HTR1D: variants seen among roughly 807,000 people sequenced by gnomAD.
HTR1D encodes the protein 5-hydroxytryptamine receptor 1D.
In HTR1D, 18 loss-of-function variants were observed where a neutral mutation model predicts 21.1. That is an observed-to-expected ratio of 0.85 (90% CI 0.59 to 1.27). The LOEUF (loss-of-function observed/expected upper bound fraction) is 1.27. Ranked by LOEUF, HTR1D falls within the 50% of genes most tolerant of loss-of-function variation. The probability of loss-of-function intolerance (pLI) is 0.00; values close to 1 mark genes in which losing one functional copy is unlikely to be tolerated. For synonymous variants in HTR1D, 196 were observed against 204.4 expected (o/e 0.96, Z 0.35); for missense variants, 456 against 481.4 (o/e 0.95, Z 0.49).
chr1:23,205,939 C>G (rs1398054985), intron 1 of HTR1D, among the ~76,000 whole-genome samples: 1 of 152,194 alleles, frequency 6.6e-6, no homozygotes, highest in African/African-American at 2.4e-5. Context: ...TGCCACTGTT[C>G]TGTTTCAGGA....
At chr1:23,198,788 G>T (rs1644699262) in intron 1 of HTR1D, among the ~76,000 whole-genome samples, 1 of 152,188 alleles carries the variant, frequency 6.6e-6, no homozygotes, top group Non-Finnish European at 1.5e-5. Flanking sequence ...ATAAATATAT[G>T]TGGCAAAACC....
In HTR1D at chr1:23,193,702, G is replaced by T; in HGVS notation, c.518C>A (p.Pro173Gln). Residue 173 changes from proline to glutamine, a missense_variant, in exon 2 of 2, where the codon CCG becomes CAG. Transcript: ENST00000374619. ...GGCCTTGGCCTGCCGCCAGAAGAGC[G>T]GGGGGATGGAGATGCAGATGGAGAT... Reference protein sequence around the residue: ...WAISICISIPPLFWRQAKAQE... With the variant: ...WAISICISIPQLFWRQAKAQE... 4 of 1,613,884 alleles carry T rather than the reference G, an allele frequency of 2.5e-6. No individual in the cohort carries two copies. Among genetic ancestry groups the T allele is most frequent in the Admixed American group, 1.7e-5 (1 of 60,014 alleles).
At chr1:23,216,446 T>C (rs1051714839) in intron 1 of HTR1D, among the ~76,000 whole-genome samples, 1 of 139,862 alleles carries the variant, frequency 7.1e-6, no homozygotes, top group African/African-American at 2.8e-5. Flanking sequence ...AGCTAGTAGG[T>C]GGCCAAGGCC....
At chr1:23,195,043 A>C (rs920400691) in intron 1 of HTR1D, among the ~76,000 whole-genome samples, 42 bp from the exon 2 acceptor site, 1 of 152,236 alleles carries the variant, frequency 6.6e-6, no homozygotes, top group Non-Finnish European at 1.5e-5. Context: ...AGGTTCTAGA[A>C]GGACAATGTG....
intron 1 of HTR1D, among the ~76,000 whole-genome samples, chr1:23,202,975 G>A (rs1019573370): frequency 6.6e-6 from 1 of 151,924 alleles, no homozygotes; most frequent in Non-Finnish European, 1.5e-5. Context: ...TGTGCAGTGG[G>A]GCAATCTCGG....
chr1:23,203,190 C>T (rs542517327), intron 1 of HTR1D, among the ~76,000 whole-genome samples: 65 of 152,218 alleles, frequency 4.3e-4, no homozygotes, highest in African/African-American at 1.3e-3. Context: ...TCAGCCACCG[C>T]GCCCGGCCAA....
intron 1 of HTR1D, among the ~76,000 whole-genome samples, chr1:23,199,403 G>C (rs1440453653): frequency 7.4e-6 from 1 of 135,444 alleles, no homozygotes; most frequent in African/African-American, 2.7e-5. Flanking sequence ...GGTGTGAGCC[G>C]CCATGTGTGG....
At chr1:23,212,790 A>G (rs948954950) in intron 1 of HTR1D, among the ~76,000 whole-genome samples, 2 of 150,692 alleles carry the variant, frequency 1.3e-5, no homozygotes, top group African/African-American at 4.9e-5. Context: ...TCCAAACTCA[A>G]GCCACCTCAC....
At chr1:23,197,865 T>G (rs1244603574) in intron 1 of HTR1D, among the ~76,000 whole-genome samples, 1 of 151,804 alleles carries the variant, frequency 6.6e-6, no homozygotes, top group Non-Finnish European at 1.5e-5. Context: ...AGCAAGACTA[T>G]CTATTTTAAA....
intron 1 of HTR1D, among the ~76,000 whole-genome samples, chr1:23,209,233 A>G (rs541020278): frequency 1.3e-5 from 2 of 152,260 alleles, no homozygotes; most frequent in East Asian, 3.9e-4. Flanking sequence ...TCCTGACCTC[A>G]GGTGATCCGT....
At chr1:23,211,837 A>AT (rs1278150524) in intron 1 of HTR1D, among the ~76,000 whole-genome samples, 4 of 151,230 alleles carry the variant, frequency 2.6e-5, no homozygotes, top group Admixed American at 6.6e-5. Context: ...TTTTAAAAAA[A>AT]TTTTTTTATA....
At chr1:23,207,847 C>T (rs148064271) in intron 1 of HTR1D, among the ~76,000 whole-genome samples, 58 of 151,336 alleles carry the variant, frequency 3.8e-4, no homozygotes, top group African/African-American at 9.2e-4. Flanking sequence ...CTGCAACCTC[C>T]GCCCACCAGG....
rs981795511 is a variant in HTR1D at position 23,195,017 on chromosome 1, G to GA, written c.-782-17dup. Among the ~76,000 whole-genome samples, 4 of 151,586 alleles carry GA rather than the reference G, an allele frequency of 2.6e-5. No homozygotes were observed. Among genetic ancestry groups the GA allele is most frequent in the Admixed American group, 6.6e-5 (1 of 15,228 alleles). ...TTCAGAAGATCTGGGATTTAAAAAAGAAAAAAAATAGAGTTAGGTTCTAGA... is the reference window on the plus strand; with the variant it reads ...TTCAGAAGATCTGGGATTTAAAAAAGAAAAAAAAATAGAGTTAGGTTCTAGA... On this transcript the variant is annotated splice_polypyrimidine_tract_variant and intron_variant, in intron 1 of 1. Transcript: ENST00000374619.
chr1:23,211,183 C>G (rs628096), intron 1 of HTR1D, among the ~76,000 whole-genome samples: 74,411 of 151,582 alleles, frequency 0.49, 18,951 homozygotes, highest in African/African-American at 0.63. Context: ...TGACCTTAGG[C>G]AAGTTACTCA....
Position 23,194,487 on chromosome 1 carries a change from T to A in HTR1D, c.-268A>T, listed in dbSNP as rs1338118466. ...ACAACTACCAGCTGGTAGTTAAAGG[T>A]CTTTCCTAAACCACAGGAATCCCAA... On this transcript the variant is annotated 5_prime_UTR_variant, in exon 2 of 2. Transcript: ENST00000374619. 3.5e-5 allele frequency: 8 copies of A among 226,446 alleles called. No individual in the cohort carries two copies. The highest frequency in any genetic ancestry group is 5.1e-5 in the Admixed American group (1 of 19,480). The allele number at this position is 226,446 out of a possible 1,614,324, so 14.0% of individuals were successfully genotyped here. A position where few individuals can be genotyped will look rare whatever the true frequency, so the allele number is the denominator to read the frequency against.
chr1:23,205,892 A>G (rs574658178), intron 1 of HTR1D, among the ~76,000 whole-genome samples: 39 of 151,770 alleles, frequency 2.6e-4, no homozygotes, highest in Admixed American at 2.4e-3. Context: ...CCCACACCTA[A>G]CTGTGCCTTG....
At chr1:23,195,623 G>C (rs1644685764) in intron 1 of HTR1D, among the ~76,000 whole-genome samples, 1 of 152,096 alleles carries the variant, frequency 6.6e-6, no homozygotes, top group Non-Finnish European at 1.5e-5. Flanking sequence ...ATTTTTAGTA[G>C]AGATGGGGTT....
intron 1 of HTR1D, among the ~76,000 whole-genome samples, chr1:23,200,529 TTTTG>T (rs1213351812): frequency 6.6e-6 from 1 of 152,130 alleles, no homozygotes; most frequent in African/African-American, 2.4e-5. Context: ...AATGGTTTCT[TTTTG>T]TTTGTTTATT....
rs754430010 is a variant in HTR1D at position 23,193,755 on chromosome 1, C to T, written c.465G>A (p.Ala155=). 17 of 1,613,982 alleles carry T rather than the reference C, an allele frequency of 1.1e-5. No homozygotes were observed. In the Admixed American group the frequency reaches 1.2e-4, roughly 11 times the overall value. Residue 155 remains alanine (A), a synonymous_variant, in exon 2 of 2, where the codon GCG becomes GCA. Coordinates refer to ENST00000374619, the MANE Select transcript of HTR1D (RefSeq NM_000864.5). The stretch of plus-strand genomic sequence containing the variant: ...CCCAGACAATGGCGATCATGGTGGC[C>T]GCGTGGCCAGCCGTCCTGCGTTTAC... ...EYSKRRTAGH[A]ATMIAIVWAI...
Sources: gnomAD v4.1 joint callset for allele counts (sites outside exome capture counted in the v4.1 genomes callset) on GRCh38, gnomAD v4.1.1 for gene constraint, MANE v1.5 for transcripts, NCBI Gene and HGNC (gene_info 2026-07-23, HGNC 2026-07-21) for gene names.